The following DYNC2I1 variants were observed in gnomAD, a reference collection of about 807,000 sequenced individuals.
DYNC2I1 encodes the protein cytoplasmic dynein 2 intermediate chain 1.
A neutral mutation model predicts 133.4 loss-of-function variants in DYNC2I1; 89 were observed. That is an observed-to-expected ratio of 0.67 (90% CI 0.56 to 0.80). The LOEUF (loss-of-function observed/expected upper bound fraction) is 0.80. DYNC2I1 is among the 30% of genes least tolerant of loss of function. DYNC2I1 has a pLI of 0.00. For synonymous variants in DYNC2I1, 504 were observed against 484.3 expected, an observed-to-expected ratio of 1.04 and a Z score of -0.54; for missense variants, 1,291 against 1,314.5, an observed-to-expected ratio of 0.98 and a Z score of 0.28.
intron 23 of DYNC2I1, among the ~76,000 whole-genome samples, chr7:158,938,528 G>A (rs1029250730): frequency 3.9e-5 from 6 of 152,150 alleles, no homozygotes; most frequent in Admixed American, 3.3e-4. Context: ...AGGTTGAAGC[G>A]GGTGGATCAG....
chr7:158,900,930 C>T (rs1248747477), intron 8 of DYNC2I1, among the ~76,000 whole-genome samples: 1 of 151,954 alleles, frequency 6.6e-6, no homozygotes, highest in Non-Finnish European at 1.5e-5. Flanking sequence ...CTGGTTCTTT[C>T]TTAGACTTTC....
In DYNC2I1 at chr7:158,862,286, A is replaced by C. The variant is rs117125827; in HGVS notation, c.15+5536A>C. ...AACAAAGGAGAGGCTTGAGTGTTTA[A>C]AGAGAAAAGGACGAATCAGGGGACG... On this transcript the variant is annotated intron_variant, in intron 1 of 24. Coordinates refer to ENST00000407559, the MANE Select transcript of DYNC2I1 (RefSeq NM_018051.5). 9.5e-3 allele frequency among the ~76,000 whole-genome samples: 1,440 copies of C among 152,268 alleles called. 14 individuals are homozygous for C. Among genetic ancestry groups the C allele is most frequent in the Middle Eastern group, 0.027 (8 of 294 alleles).
chr7:158,885,353 T>G (rs1168220555), intron 6 of DYNC2I1, among the ~76,000 whole-genome samples: 3 of 151,922 alleles, frequency 2.0e-5, no homozygotes, highest in Non-Finnish European at 4.4e-5. Context: ...CTCTTTTTTT[T>G]TTTTTTGAGA....
intron 4 of DYNC2I1, among the ~76,000 whole-genome samples, chr7:158,956,254 G>A (rs1852196045): frequency 1.3e-5 from 2 of 152,334 alleles, no homozygotes; most frequent in African/African-American, 4.8e-5. Flanking sequence ...TCTGCCCCGT[G>A]CAGAATACGT....
At position 158,930,520 on chromosome 7, in the gene DYNC2I1, G is replaced by A. The variant is rs1850114589; in HGVS notation, c.2546+5G>A. On this transcript the variant is annotated splice_donor_5th_base_variant and intron_variant, in intron 21 of 24. Coordinates refer to ENST00000407559, the MANE Select transcript of DYNC2I1 (RefSeq NM_018051.5). ...TCTGATCCAGTTGGGTGACAGGTAAGATGTGAGGGAAAATGCTTCACTATC... is the reference window on the plus strand; with the variant it reads ...TCTGATCCAGTTGGGTGACAGGTAAAATGTGAGGGAAAATGCTTCACTATC... The A allele has an allele frequency of 6.2e-7, 1 of 1,611,674 alleles. No homozygotes were observed.
At position 158,914,966 on chromosome 7, in the gene DYNC2I1, C is replaced by A. The variant is rs931840408; in HGVS notation, c.1791+645C>A. On this transcript the variant is annotated intron_variant, in intron 14 of 24. Coordinates refer to ENST00000407559, the MANE Select transcript of DYNC2I1 (RefSeq NM_018051.5). ...TATGAAGTTGGCATTCACATTTCGC[C>A]AGCTGTCTCATCACTTTCTTGTATG... 1.2e-4 allele frequency among the ~76,000 whole-genome samples: 18 copies of A among 152,224 alleles called. 1 individual carries two copies. Among genetic ancestry groups the A allele is most frequent in the Non-Finnish European group, 8.8e-5 (6 of 68,044 alleles).
At chr7:158,870,617 C>T (rs1842794715) in intron 2 of DYNC2I1, among the ~76,000 whole-genome samples, 1 of 152,120 alleles carries the variant, frequency 6.6e-6, no homozygotes, top group African/African-American at 2.4e-5. Context: ...AGGTGATCCT[C>T]CTGCCTTAGC....
rs368890837 is a variant in DYNC2I1, at chr7:158,907,455, A to C, written c.1460+1364A>C. ...AACTGATAACCACAAAATTCAGTCTAGTGATTGTTGTGGGCAGTGGGGGAT... is the reference window on the plus strand; with the variant it reads ...AACTGATAACCACAAAATTCAGTCTCGTGATTGTTGTGGGCAGTGGGGGAT... On this transcript the variant is annotated intron_variant, in intron 11 of 24. Transcript: ENST00000407559. Among the ~76,000 whole-genome samples the C allele has an allele frequency of 6.6e-5, 10 of 152,224 alleles. No individual in the cohort carries two copies. The South Asian group carries it at 1.0e-3, about 16-fold the overall frequency.
chr7:158,913,891 G>A (rs1847743423), intron 13 of DYNC2I1, among the ~76,000 whole-genome samples: 1 of 152,146 alleles, frequency 6.6e-6, no homozygotes, highest in Non-Finnish European at 1.5e-5. Context: ...GTATTTTTTA[G>A]TAGAGATGGG....
At position 158,884,629 on chromosome 7, in the gene DYNC2I1, G is replaced by A. The variant is rs1844416354; in HGVS notation, c.935+10G>A. 6.2e-7 allele frequency: 1 copy of A among 1,612,908 alleles called. No individual in the cohort carries two copies. The highest frequency in any genetic ancestry group is 8.5e-7 in the Non-Finnish European group (1 of 1,179,392). ...ATGGGACCAGCAGCCAGTAAGGATT[G>A]CATGCCCTGTGGTCGACCTTTACGT... On this transcript the variant is annotated intron_variant, in intron 6 of 24. Coordinates refer to ENST00000407559, the MANE Select transcript of DYNC2I1 (RefSeq NM_018051.5).
upstream of DYNC2I1, among the ~76,000 whole-genome samples, chr7:158,854,066 G>A (rs577793586): frequency 3.3e-5 from 5 of 152,106 alleles, no homozygotes; most frequent in African/African-American, 1.2e-4. Context: ...TGGTAGGATT[G>A]GAGATGAAAT....
At chr7:158,878,079 A>G (rs1360674808) in intron 4 of DYNC2I1, among the ~76,000 whole-genome samples, 1 of 148,640 alleles carries the variant, frequency 6.7e-6, no homozygotes. Flanking sequence ...TGGAGAGGCC[A>G]GGAGGGCCGA....
intron 4 of DYNC2I1, among the ~76,000 whole-genome samples, chr7:158,955,952 C>T (rs1161134811): frequency 6.6e-6 from 1 of 152,184 alleles, no homozygotes; most frequent in East Asian, 1.9e-4. Flanking sequence ...GCAGGTATGG[C>T]GGAACCTCGC....
chr7:158,887,057 T>TA lies in DYNC2I1; in HGVS notation c.975dup (p.Asp326ArgfsTer31), dbSNP rs1844679510. ...ATTTAGTAAGGAATCATGGAAAAGA[T>TA]AAAGATTCAAGACGGAAGGTAAGGC... On this transcript the variant is annotated frameshift_variant, in exon 7 of 25. Transcript: ENST00000407559. LOFTEE classifies it high-confidence loss of function. 1 of 1,613,930 alleles carries TA rather than the reference T, an allele frequency of 6.2e-7. No individual in the cohort carries two copies. Among genetic ancestry groups the TA allele is most frequent in the Non-Finnish European group, 8.5e-7 (1 of 1,179,822 alleles).
intron 4 of DYNC2I1, among the ~76,000 whole-genome samples, chr7:158,953,974 G>A (rs1169807506): frequency 1.3e-5 from 2 of 152,132 alleles, no homozygotes; most frequent in African/African-American, 4.8e-5. Context: ...TCATCTTGCA[G>A]CGTATCTCCT....
Position 158,856,567 on chromosome 7 carries a change from C to T in DYNC2I1, c.-169C>T, listed in dbSNP as rs917893320. ...GATGCGCAGGCGCACTGGGAGAGGC[C>T]GCAGGGCACGCTGGGCAGTGCTTCT... On this transcript the variant is annotated 5_prime_UTR_variant, in exon 1 of 25. Coordinates refer to ENST00000407559, the MANE Select transcript of DYNC2I1 (RefSeq NM_018051.5). The T allele has an allele frequency of 1.6e-6, 1 of 641,322 alleles. No individual in the cohort carries two copies. Among genetic ancestry groups the T allele is most frequent in the Non-Finnish European group, 2.2e-6 (1 of 450,614 alleles). 39.7% of individuals were successfully genotyped at this position (641,322 alleles called of 1,614,324 possible).
the DYNC2I1 span, among the ~76,000 whole-genome samples, chr7:158,848,129 C>T: frequency 4.1e-4 from 62 of 152,158 alleles, no homozygotes; most frequent in Non-Finnish European, 7.6e-4. Context: ...GATCCAATTG[C>T]ACAAGAGGTT....
chr7:158,877,698 C>T (rs1299159595), intron 4 of DYNC2I1, among the ~76,000 whole-genome samples: 4 of 152,020 alleles, frequency 2.6e-5, no homozygotes, highest in Non-Finnish European at 5.9e-5. Flanking sequence ...TATTTTTTTT[C>T]TCTCTTTTTT....
At position 158,945,252 on chromosome 7, in the gene DYNC2I1, C is replaced by T. The variant is rs191812534; in HGVS notation, c.3003-329C>T. On this transcript the variant is annotated intron_variant, in intron 24 of 24. Transcript: ENST00000407559. This position sits in a 1 kb window ranked among gnomAD's most constrained non-coding sequence, Gnocchi z 4.1. ...ATCCAGGGAGGCTGGAGACCAAGGA[C>T]GAGGCTCTGATAGATGGGCCTGCCT... Among the ~76,000 whole-genome samples the T allele has an allele frequency of 2.0e-5, 3 of 152,144 alleles. No individual in the cohort carries two copies. Among genetic ancestry groups the T allele is most frequent in the African/African-American group, 2.4e-5 (1 of 41,492 alleles).
Sources: gnomAD v4.1 joint callset for allele counts (sites outside exome capture counted in the v4.1 genomes callset) on GRCh38, gnomAD v4.1.1 for gene constraint, Gnocchi (gnomAD v3.1) non-coding constraint, MANE v1.5 for transcripts, NCBI Gene and HGNC (gene_info 2026-07-23, HGNC 2026-07-21) for gene names.